The following ZP3 variants were observed in gnomAD, a reference collection of about 807,000 sequenced individuals.
The protein encoded by ZP3 is zona pellucida glycoprotein 3.
ZP3 carries 21 observed loss-of-function variants against 35.6 expected under a neutral mutation model. The observed-to-expected ratio is 0.59, with a 90% confidence interval of 0.42 to 0.85. ZP3 has a LOEUF of 0.85. ZP3 is among the 40% of genes least tolerant of loss of function. The pLI is 0.00. For synonymous variants in ZP3, 207 were observed against 214.5 expected (o/e 0.96, Z 0.31); for missense variants, 437 against 536.5 (o/e 0.81, Z 1.83).
At chr7:76,419,665 TTC>T (rs1287992791) in intron 1 of ZP3, among the ~76,000 whole-genome samples, 1 of 145,952 alleles carries the variant, frequency 6.9e-6, no homozygotes, top group Non-Finnish European at 1.5e-5. Flanking sequence ...CTCTCTTTCT[TTC>T]TTTCTTTCTT....
intron 1 of ZP3, among the ~76,000 whole-genome samples, chr7:76,408,716 G>T (rs555213027): frequency 3.1e-4 from 47 of 152,240 alleles, no homozygotes; most frequent in Admixed American, 5.2e-4. Flanking sequence ...TCCAAGGTGG[G>T]CCCCTCCAGT....
At chr7:76,411,514 A>G (rs774748167) in intron 1 of ZP3, among the ~76,000 whole-genome samples, 14 of 151,992 alleles carry the variant, frequency 9.2e-5, no homozygotes, top group Non-Finnish European at 1.9e-4. Context: ...GCCTGCAGTG[A>G]GCTATGATTG....
At chr7:76,404,354 G>A (rs1804929474) in intron 1 of ZP3, 1 of 1,613,074 alleles carries the variant, frequency 6.2e-7, no homozygotes, top group African/African-American at 1.3e-5. Context: ...GAGGAAGGGA[G>A]GGGCAGCACT....
In ZP3 at chr7:76,398,730, C is replaced by T. The variant is rs145074742; in HGVS notation, c.-67+933C>T. The T allele has an allele frequency of 1.3e-4, 203 of 1,613,194 alleles. 1 individual carries two copies. The African/African-American group carries it at 2.4e-3, about 19-fold the overall frequency. On this transcript the variant is annotated intron_variant, in intron 1 of 8. Coordinates refer to the ZP3 transcript ENST00000336517. The stretch of plus-strand genomic sequence containing the variant: ...ATTATGCTTACGTACTTTTTCCATT[C>T]GGCAGTGTCGTAGGAGGTGCTCTAC...
intron 1 of ZP3, among the ~76,000 whole-genome samples, chr7:76,403,347 C>CTTTTTTTTTTTTTT (rs766899317): frequency 1.5e-4 from 22 of 149,594 alleles, no homozygotes; most frequent in South Asian, 2.1e-4. Context: ...GACTCCACTT[C>CTTTTTTTTTTTTTT]TTTTTTTTGA....
intron 1 of ZP3, among the ~76,000 whole-genome samples, chr7:76,410,108 C>T (rs1009334196): frequency 6.6e-6 from 1 of 152,138 alleles, no homozygotes; most frequent in African/African-American, 2.4e-5. Context: ...TTTCGGCTCC[C>T]TGCATCCTCC....
chr7:76,403,959 G>A (rs144003120), intron 1 of ZP3, among the ~76,000 whole-genome samples: 3 of 152,030 alleles, frequency 2.0e-5, no homozygotes, highest in Non-Finnish European at 4.4e-5. Context: ...CACCGAGCCC[G>A]GCCTTCTTCT....
At chr7:76,401,746 C>G (rs573082337) in intron 1 of ZP3, among the ~76,000 whole-genome samples, 59 of 152,220 alleles carry the variant, frequency 3.9e-4, no homozygotes, top group African/African-American at 1.3e-3. Context: ...CAGCTTGGAG[C>G]CCCTTCCTCT....
chr7:76,431,320 TG>T (rs1386307571), intron 2 of ZP3, among the ~76,000 whole-genome samples: 2 of 152,182 alleles, frequency 1.3e-5, no homozygotes, highest in Admixed American at 1.3e-4. Flanking sequence ...CTTCAGTCTC[TG>T]GGCCTGACCC....
At position 76,433,019 on chromosome 7, in the gene ZP3, G is replaced by A. The variant is rs200472178; in HGVS notation, c.524G>A (p.Arg175His). Residue 175 changes from arginine (R) to histidine (H), a missense_variant, in exon 3 of 8, where the codon CGT becomes CAT. Physicochemically the swap from Arg to His is conservative, Grantham distance 29. Transcript: ENST00000394857. The part of the protein sequence containing the change: ...FSEEKLTFSL[R>H]LMEENWNAEK... ...GAGGAGAAGCTGACTTTCTCTCTGCGTCTGATGGAGGGTAAGAGAAGAAGG... is the reference window on the plus strand; with the variant it reads ...GAGGAGAAGCTGACTTTCTCTCTGCATCTGATGGAGGGTAAGAGAAGAAGG... The A allele has an allele frequency of 1.2e-5, 19 of 1,613,602 alleles. 1 individual carries two copies. The highest frequency in any genetic ancestry group is 1.0e-4 in the Admixed American group (6 of 59,916).
chr7:76,398,584 T>A (rs113567515), intron 1 of ZP3: 1 of 973,178 alleles, frequency 1.0e-6, no homozygotes, highest in South Asian at 1.3e-5. Flanking sequence ...GGATTACAGG[T>A]GTGAGCCACC....
In ZP3 at chr7:76,425,155, A is replaced by G; in HGVS notation, c.191A>G (p.Lys64Arg). 1 of 1,614,062 alleles carries G rather than the reference A, an allele frequency of 6.2e-7. No homozygotes were observed. Among genetic ancestry groups the G allele is most frequent in the Non-Finnish European group, 8.5e-7 (1 of 1,180,026 alleles). The stretch of plus-strand genomic sequence containing the variant: ...AGCAAAGACCTTTTTGGCACCGGGA[A>G]GCTCATCAGGGCTGCTGACCTCACC... ...MVSKDLFGTG[K>R]LIRAADLTLG... Residue 64 changes from lysine to arginine, a missense_variant, in exon 1 of 8, where the codon AAG becomes AGG. Physicochemically the swap from Lys to Arg is conservative, Grantham distance 26. Coordinates refer to ENST00000394857, the MANE Select transcript of ZP3 (RefSeq NM_001110354.2).
chr7:76,399,160 T>C (rs1274499705), intron 1 of ZP3, among the ~76,000 whole-genome samples: 1 of 151,970 alleles, frequency 6.6e-6, no homozygotes, highest in African/African-American at 2.4e-5. Context: ...TACAGGTGCC[T>C]GCCACCATGC....
intron 5 of ZP3, among the ~76,000 whole-genome samples, chr7:76,436,532 A>T (rs1806019729): frequency 6.6e-6 from 1 of 152,266 alleles, no homozygotes; most frequent in African/African-American, 2.4e-5. Flanking sequence ...GATGACATCG[A>T]TGCCACTTCA....
intron 1 of ZP3, chr7:76,400,568 TG>T: frequency 6.7e-7 from 1 of 1,488,654 alleles, no homozygotes; most frequent in Non-Finnish European, 9.0e-7. Context: ...CGGCAGCGGC[TG>T]GGGCCCCCCA....
Position 76,418,700 on chromosome 7 carries a change from C to CA in ZP3, c.-66-6346dup, listed in dbSNP as rs1470094629. Among the ~76,000 whole-genome samples the CA allele has an allele frequency of 2.6e-5, 4 of 151,546 alleles. No homozygotes were observed. The South Asian group carries it at 6.2e-4, about 24-fold the overall frequency. ...TAAAACTCCATCTCTACTAAAAATA[C>CA]AAAAAATTAGCCGGGCGTGGTGGCA... is the stretch of plus-strand genomic sequence containing the variant. On this transcript the variant is annotated intron_variant, in intron 1 of 8. Coordinates refer to the ZP3 transcript ENST00000336517.
intron 1 of ZP3, among the ~76,000 whole-genome samples, chr7:76,417,363 A>G (rs1805402463): frequency 1.3e-5 from 2 of 151,630 alleles, no homozygotes; most frequent in Non-Finnish European, 2.9e-5. Flanking sequence ...CCGGCCTCAT[A>G]TCCCTAACTT....
At chr7:76,432,263 A>T (rs945349368) in intron 2 of ZP3, among the ~76,000 whole-genome samples, 5 of 151,202 alleles carry the variant, frequency 3.3e-5, no homozygotes, top group Non-Finnish European at 7.4e-5. Flanking sequence ...ATCTCAGCTC[A>T]CTGCAAACTC....
At chr7:76,398,264 CT>C (rs1563682973) in intron 1 of ZP3, among the ~76,000 whole-genome samples, 1 of 151,484 alleles carries the variant, frequency 6.6e-6, no homozygotes, top group African/African-American at 2.4e-5. Flanking sequence ...CTCATCTGAC[CT>C]TCCTGTGAGA....
Sources: gnomAD v4.1 joint callset for allele counts (sites outside exome capture counted in the v4.1 genomes callset) on GRCh38, gnomAD v4.1.1 for gene constraint, MANE v1.5 for transcripts, NCBI Gene and HGNC (gene_info 2026-07-23, HGNC 2026-07-21) for gene names.